NPAS4: variants seen among roughly 807,000 people sequenced by gnomAD.
The protein encoded by NPAS4 is neuronal PAS domain-containing protein 4.
A neutral mutation model predicts 64.0 loss-of-function variants in NPAS4; 10 were observed. That is an observed-to-expected ratio of 0.16 (90% CI 0.10 to 0.26). NPAS4 has a LOEUF of 0.26. Among genes scored for constraint, NPAS4 ranks in the 10% least tolerant of loss-of-function variants. The pLI is 1.00. For missense variants in NPAS4, 886 were observed against 992.6 expected (o/e 0.89, Z 1.44); for synonymous variants, 441 against 411.7 (o/e 1.07, Z -0.86).
Position 66,425,195 on chromosome 11 carries a change from T to C in NPAS4, c.2305T>C (p.Ser769Pro). ...TYETAFETGV[S>P]AFPYDGFTDE... ...TGAAACCGCCTTTGAGACAGGTGTC[T>C]CAGCATTCCCCTATGATGGGTTTAC... Residue 769 changes from serine to proline, a missense_variant, in exon 7 of 8, where the codon TCA becomes CCA. This residue lies in a region of NPAS4 where 28 missense variants were observed against 57.0 expected (regional missense o/e 0.49). Coordinates refer to ENST00000311034, the MANE Select transcript of NPAS4 (RefSeq NM_178864.4). The C allele has an allele frequency of 6.4e-7, 1 of 1,573,332 alleles. No individual in the cohort carries two copies. Among genetic ancestry groups the C allele is most frequent in the Non-Finnish European group, 8.6e-7 (1 of 1,165,168 alleles).
chr11:66,417,499 GAT>G (rs1490361376), upstream of NPAS4, among the ~76,000 whole-genome samples: 1 of 152,154 alleles, frequency 6.6e-6, no homozygotes, highest in Non-Finnish European at 1.5e-5. Context: ...TTTTACTAGA[GAT>G]TGCATGCAAC....
At position 66,422,278 on chromosome 11, in the gene NPAS4, G is replaced by A; in HGVS notation, c.327+7G>A. ...GCATCTGGGCCACTCCATGGTGAGT[G>A]CTAAGGGTCCTTTCAGCTGAGGCTG... On this transcript the variant is annotated splice_region_variant and intron_variant, in intron 2 of 7. Coordinates refer to ENST00000311034, the MANE Select transcript of NPAS4 (RefSeq NM_178864.4). 1 of 1,613,838 alleles carries A rather than the reference G, an allele frequency of 6.2e-7. No homozygotes were observed. The highest frequency in any genetic ancestry group is 8.5e-7 in the Non-Finnish European group (1 of 1,179,904).
At position 66,422,955 on chromosome 11, in the gene NPAS4, G is replaced by T; in HGVS notation, c.698+14G>T. The T allele has an allele frequency of 1.3e-6, 2 of 1,599,788 alleles. No homozygotes were observed. The highest frequency in any genetic ancestry group is 2.7e-5 in the African/African-American group (2 of 74,894). On this transcript the variant is annotated intron_variant, in intron 4 of 7. Transcript: ENST00000311034. ...CATCTCCGAGAGGTAAGCCTGGAGT[G>T]TTCAGATTCCAAGAGAAAGGCAGGC...
upstream of NPAS4, among the ~76,000 whole-genome samples, chr11:66,418,065 T>C (rs774807257): frequency 4.6e-5 from 7 of 152,170 alleles, no homozygotes; most frequent in Non-Finnish European, 1.0e-4. Context: ...CCTTGAGCAG[T>C]AGTGCATAGC....
the NPAS4 span, chr11:66,409,349 G>C: frequency 1.4e-4 from 20 of 140,656 alleles, no homozygotes; most frequent in Admixed American, 1.6e-3. Flanking sequence ...CCTCGCCCCC[G>C]CCCTGCTCCT....
chr11:66,424,379 T>A lies in NPAS4; in HGVS notation c.1489T>A (p.Tyr497Asn). 1.2e-6 allele frequency: 2 copies of A among 1,614,128 alleles called. No homozygotes were observed. The highest frequency in any genetic ancestry group is 1.7e-6 in the Non-Finnish European group (2 of 1,180,000). The change falls in exon 7 of 8, where the codon TAT becomes AAT. Residue 497 changes from tyrosine (Y) to asparagine (N), a missense_variant. This residue lies in a region of NPAS4 where 820 missense variants were observed against 855.5 expected (regional missense o/e 0.96). Coordinates refer to ENST00000311034, the MANE Select transcript of NPAS4 (RefSeq NM_178864.4). ...GQLTETSVRS[Y>N]EDQLTPCTST... The stretch of plus-strand genomic sequence containing the variant: ...GTTGACTGAAACCTCGGTCAGAAGC[T>A]ATGAAGACCAGTTGACTCCCTGCAC...
chr11:66,423,056 G>A (rs746219397), intron 4 of NPAS4, 67 bp from the exon 5 acceptor site: 2 of 1,489,092 alleles, frequency 1.3e-6, no homozygotes, highest in Admixed American at 1.9e-5. Flanking sequence ...GATCTGGGAG[G>A]GAGTGAGATG....
upstream of NPAS4, among the ~76,000 whole-genome samples, chr11:66,418,119 TG>T (rs1199547310): frequency 6.6e-6 from 1 of 152,140 alleles, no homozygotes; most frequent in Non-Finnish European, 1.5e-5. Flanking sequence ...CTGAGAGGCT[TG>T]CTCTCCCATT....
At chr11:66,421,865 G>T (rs905984995) in intron 1 of NPAS4, among the ~76,000 whole-genome samples, 50 of 152,266 alleles carry the variant, frequency 3.3e-4, no homozygotes, top group African/African-American at 1.2e-3. Flanking sequence ...GAGCCGCTTT[G>T]GAGCTCTGTC....
chr11:66,422,091 C>A, intron 1 of NPAS4, 29 bp from the exon 2 acceptor site: 2 of 1,607,960 alleles, frequency 1.2e-6, no homozygotes, highest in Non-Finnish European at 1.7e-6. Context: ...AGTCTTACTC[C>A]TGACGCACTA....
At chr11:66,417,967 C>T (rs1015191475), upstream of NPAS4, among the ~76,000 whole-genome samples, 7 of 152,104 alleles carry the variant, frequency 4.6e-5, no homozygotes, top group African/African-American at 1.7e-4. Context: ...GACACACAAA[C>T]ACAGTCTCAG....
chr11:66,422,510 C>T lies in NPAS4; in HGVS notation c.387C>T (p.Leu129=), dbSNP rs1192068324. ...ACATCATTGACCCAGCTGACCACCT[C>T]ACTGTGCGCCAGCAACTCACCCTGC... is the stretch of plus-strand genomic sequence containing the variant. The part of the protein sequence containing the change: ...IYDIIDPADH[L]TVRQQLTLPS... The change falls in exon 3 of 8, where the codon CTC becomes CTT. Residue 129 remains leucine, a synonymous_variant. Transcript: ENST00000311034. The T allele has an allele frequency of 6.2e-7, 1 of 1,614,086 alleles. No individual in the cohort carries two copies. The highest frequency in any genetic ancestry group is 8.5e-7 in the Non-Finnish European group (1 of 1,179,956).
chr11:66,424,990 T>C lies in NPAS4; in HGVS notation c.2100T>C (p.Pro700=). The change falls in exon 7 of 8, where the codon CCT becomes CCC. Residue 700 remains proline (P), a synonymous_variant. Coordinates refer to ENST00000311034, the MANE Select transcript of NPAS4 (RefSeq NM_178864.4). ...AGGAGCTGGACTTCCTGGCTGACCC[T>C]GATAACATGTTCCTGGAAGAGACGC... ...KCQELDFLAD[P]DNMFLEETPV... is the part of the protein sequence containing the mutation. The C allele has an allele frequency of 4.3e-6, 7 of 1,614,150 alleles. No individual in the cohort carries two copies. Among genetic ancestry groups the C allele is most frequent in the Non-Finnish European group, 5.9e-6 (7 of 1,180,030 alleles).
rs748467167 is a variant in NPAS4 at position 66,424,717 on chromosome 11, G to A, written c.1827G>A (p.Leu609=). The A allele has an allele frequency of 6.2e-7, 1 of 1,613,450 alleles. No individual in the cohort carries two copies. The highest frequency in any genetic ancestry group is 1.1e-5 in the South Asian group (1 of 90,960). ...ATGTCCCCCTGGTGCCCGAAGGCCT[G>A]CTCACACCTGAGGCCTCTCCAGTCA... The part of the protein sequence containing the change: ...SVDVPLVPEG[L]LTPEASPVKQ... Residue 609 remains leucine, a synonymous_variant, in exon 7 of 8, where the codon CTG becomes CTA. Coordinates refer to ENST00000311034, the MANE Select transcript of NPAS4 (RefSeq NM_178864.4).
the NPAS4 span, among the ~76,000 whole-genome samples, chr11:66,413,539 C>A: frequency 6.6e-6 from 1 of 152,238 alleles, no homozygotes; most frequent in Non-Finnish European, 1.5e-5. Context: ...TAGAGCCAAA[C>A]CTCCTGGCCC....
In NPAS4 at chr11:66,422,262, C is replaced by T; in HGVS notation, c.318C>T (p.Gly106=). Residue 106 remains glycine, a synonymous_variant, in exon 2 of 8, where the codon GGC becomes GGT. Transcript: ENST00000311034. ...CTGAGAGTGTGAGCGAGCATCTGGG[C>T]CACTCCATGGTGAGTGCTAAGGGTC... is the stretch of plus-strand genomic sequence containing the variant. ...YLSESVSEHL[G]HSMVDLVAQG... is the part of the protein sequence containing the mutation. The T allele has an allele frequency of 6.2e-7, 1 of 1,613,932 alleles. No homozygotes were observed. Among genetic ancestry groups the T allele is most frequent in the Middle Eastern group, 1.6e-4 (1 of 6,062 alleles).
Position 66,424,527 on chromosome 11 carries a change from G to A in NPAS4, c.1637G>A (p.Ser546Asn), listed in dbSNP as rs765271911. 2 of 1,614,104 alleles carry A rather than the reference G, an allele frequency of 1.2e-6. No individual in the cohort carries two copies. The highest frequency in any genetic ancestry group is 1.7e-6 in the Non-Finnish European group (2 of 1,180,008). The change falls in exon 7 of 8, where the codon AGC (serine) becomes AAC (asparagine). Residue 546 changes from serine (S) to asparagine (N), a missense_variant. Transcript: ENST00000311034. ...TTCCAAGCACACCTGGACAGCCCCA[G>A]CCAAACCTTCCCAGAGCAACTGAGC... ...TAFQAHLDSP[S>N]QTFPEQLSPN...
At chr11:66,423,294 C>A (rs1054321476) in intron 5 of NPAS4, 62 bp downstream of exon 5, 6 of 1,124,140 alleles carry the variant, frequency 5.3e-6, no homozygotes, top group African/African-American at 3.1e-5. Flanking sequence ...GGAGACCAGA[C>A]AAAGAATGAT....
Position 66,424,804 on chromosome 11 carries a change from G to T in NPAS4, c.1914G>T (p.Gln638His), listed in dbSNP as rs1284943549. The change falls in exon 7 of 8, where the codon CAG (glutamine) becomes CAT (histidine). Residue 638 changes from glutamine (Q) to histidine (H), a missense_variant. Physicochemically the swap from Gln to His is conservative, Grantham distance 24 (BLOSUM62 0). Around this residue, in one of 3 missense-constraint regions of NPAS4, gnomAD observed 820 missense variants for 855.5 expected, o/e 0.96. Transcript: ENST00000311034. ...EQNEIDRLIQ[Q>H]ISQLAQGMDR... is the part of the protein sequence containing the mutation. ...ATGAGATAGACCGTCTCATCCAGCA[G>T]ATTAGCCAATTGGCTCAGGGCATGG... 1 of 1,614,028 alleles carries T rather than the reference G, an allele frequency of 6.2e-7. No individual in the cohort carries two copies. Among genetic ancestry groups the T allele is most frequent in the Non-Finnish European group, 8.5e-7 (1 of 1,179,992 alleles).
Sources: gnomAD v4.1 joint callset for allele counts (sites outside exome capture counted in the v4.1 genomes callset) on GRCh38, gnomAD v4.1.1 for gene constraint, gnomAD v4.1.1 regional missense constraint, MANE v1.5 for transcripts, NCBI Gene and HGNC (gene_info 2026-07-23, HGNC 2026-07-21) for gene names.